The following SAMD12 variants were observed in gnomAD, a reference collection of about 807,000 sequenced individuals.
The protein encoded by SAMD12 is sterile alpha motif domain-containing protein 12.
A neutral mutation model predicts 15.0 loss-of-function variants in SAMD12; 9 were observed. The ratio of observed to expected loss-of-function variants is 0.60; its 90% confidence interval spans 0.36 to 1.05. The LOEUF (loss-of-function observed/expected upper bound fraction) is 1.05, where lower values mean the gene tolerates loss of function less well. Ranked by LOEUF, SAMD12 falls within the 50% of genes least tolerant of loss-of-function variation. The probability of loss-of-function intolerance (pLI) is 0.01; values close to 1 mark genes in which losing one functional copy is unlikely to be tolerated. For synonymous variants in SAMD12, 86 were observed against 90.1 expected (o/e 0.96, Z 0.25); for missense variants, 230 against 234.2 (o/e 0.98, Z 0.12).
rs114019502 is a variant in SAMD12, at chr8:118,225,558, A to T, written c.434-27826T>A. ...TAAGTACCTAACTGTTTGCAGGGGAATAGGGTTAATGGGCCAGAACCTTTC... is the reference window on the plus strand; with the variant it reads ...TAAGTACCTAACTGTTTGCAGGGGATTAGGGTTAATGGGCCAGAACCTTTC... On this transcript the variant is annotated intron_variant, in intron 4 of 4. Coordinates refer to the SAMD12 transcript ENST00000409003. 2.3e-3 allele frequency among the ~76,000 whole-genome samples: 343 copies of T among 152,236 alleles called. 1 individual carries two copies. Among genetic ancestry groups the T allele is most frequent in the Middle Eastern group, 0.01 (3 of 294 alleles).
At chr8:118,322,504 G>A (rs1816335763) in intron 4 of SAMD12, among the ~76,000 whole-genome samples, 1 of 152,242 alleles carries the variant, frequency 6.6e-6, no homozygotes, top group Admixed American at 6.5e-5. Context: ...ATGTTCTGGA[G>A]CTGGTGGAAA....
At chr8:118,608,700 C>T (rs112959328) in intron 1 of SAMD12, among the ~76,000 whole-genome samples, 8,401 of 152,068 alleles carry the variant, frequency 0.055, 457 homozygotes, top group African/African-American at 0.14. Context: ...GACAGGGTTT[C>T]GCTATGTTGG....
chr8:118,269,255 TGTGTG>T (rs1563723639), intron 4 of SAMD12, among the ~76,000 whole-genome samples: 18 of 141,848 alleles, frequency 1.3e-4, no homozygotes, highest in African/African-American at 4.5e-4. Context: ...TGTGTGTGTG[TGTGTG>T]TAAGCAGGAA....
rs917144237 is a variant in SAMD12, at chr8:118,434,971, C to T, written c.322+4861G>A. On this transcript the variant is annotated intron_variant, in intron 3 of 3. Transcript: ENST00000314727. ...ACAAAAAATTAGCCGGGCGTAGTGG[C>T]GGGCGCCTGTAGTCCCAGCTACTTG... is the stretch of plus-strand genomic sequence containing the variant. Among the ~76,000 whole-genome samples, 3 of 82,340 alleles carry T rather than the reference C, an allele frequency of 3.6e-5. 1 individual carries two copies. Among genetic ancestry groups the T allele is most frequent in the Non-Finnish European group, 5.8e-5 (2 of 34,342 alleles). The allele number at this position is 82,340 out of a possible 152,430, so 54.0% of individuals were successfully genotyped here. A position where few individuals can be genotyped will look rare whatever the true frequency, so the allele number is the denominator to read the frequency against.
At chr8:118,227,717 G>T (rs1812218853) in intron 4 of SAMD12, among the ~76,000 whole-genome samples, 2 of 152,142 alleles carry the variant, frequency 1.3e-5, no homozygotes, top group Admixed American at 1.3e-4. Context: ...GATTACCTGT[G>T]ATCCTATCTT....
chr8:118,288,144 A>G (rs1397659868), intron 4 of SAMD12: 1 of 152,210 alleles, frequency 6.6e-6, no homozygotes, highest in Non-Finnish European at 1.5e-5. Flanking sequence ...GCTATTAACT[A>G]TGATGATGGA....
chr8:118,580,868 C>A lies in SAMD12; in HGVS notation c.39G>T (p.Arg13=). 6.2e-7 allele frequency: 1 copy of A among 1,612,222 alleles called. No homozygotes were observed. Among genetic ancestry groups the A allele is most frequent in the Non-Finnish European group, 8.5e-7 (1 of 1,179,094 alleles). ...VEALHCGLNP[R]GIDHPAHAEG... ...CAGCATGGGCAGGGTGATCAATACC[C>A]CGTGGATTCAAACCACAGTGGAGAG... Residue 13 remains arginine, a synonymous_variant, in exon 2 of 4, where the codon CGG becomes CGT. Coordinates refer to ENST00000314727, the MANE Select transcript of SAMD12 (RefSeq NM_207506.3).
At chr8:118,174,399 C>T in the SAMD12 span, among the ~76,000 whole-genome samples, 2 of 152,142 alleles carry the variant, frequency 1.3e-5, no homozygotes, top group African/African-American at 2.4e-5. Context: ...GTGTTCAAGG[C>T]ACCTTTTTCT....
intron 2 of SAMD12, among the ~76,000 whole-genome samples, chr8:118,465,828 C>T (rs1193732281): frequency 2.6e-5 from 4 of 152,080 alleles, no homozygotes; most frequent in East Asian, 1.9e-4. Flanking sequence ...TCTAGGACTT[C>T]GAGTTTTAAA....
intron 4 of SAMD12, among the ~76,000 whole-genome samples, chr8:118,235,587 T>C (rs9643121): frequency 0.053 from 7,955 of 150,932 alleles, 481 homozygotes; most frequent in East Asian, 0.16. Context: ...CAAATGTCAA[T>C]CTTACTACAA....
intron 4 of SAMD12, among the ~76,000 whole-genome samples, chr8:118,261,748 C>T (rs11562787): frequency 2.6e-5 from 4 of 151,800 alleles, no homozygotes; most frequent in African/African-American, 9.7e-5. Flanking sequence ...TATACTGGAA[C>T]CTTTTCAAAG....
chr8:118,571,683 A>T (rs1371244151), intron 2 of SAMD12, among the ~76,000 whole-genome samples: 1 of 152,254 alleles, frequency 6.6e-6, no homozygotes, highest in Non-Finnish European at 1.5e-5. Context: ...GCCTCAAGCC[A>T]TGGCAGCTTC....
At chr8:118,165,083 G>A in the SAMD12 span, among the ~76,000 whole-genome samples, 1 of 151,506 alleles carries the variant, frequency 6.6e-6, no homozygotes, top group African/African-American at 2.4e-5. Context: ...TATCTGTCTG[G>A]AGATAGCATT....
the SAMD12 span, among the ~76,000 whole-genome samples, chr8:118,147,646 C>T: frequency 6.6e-6 from 1 of 152,150 alleles, no homozygotes; most frequent in African/African-American, 2.4e-5. Flanking sequence ...AGGCATGAGC[C>T]ACCGTGCCCG....
intron 2 of SAMD12, among the ~76,000 whole-genome samples, chr8:118,524,735 A>G (rs1273580163): frequency 6.6e-6 from 1 of 152,158 alleles, no homozygotes; most frequent in Non-Finnish European, 1.5e-5. Context: ...CCGACCTTCC[A>G]ATTGCTCAGG....
chr8:118,306,892 C>T (rs1563750569), intron 4 of SAMD12, among the ~76,000 whole-genome samples: 2 of 152,076 alleles, frequency 1.3e-5, no homozygotes, highest in Non-Finnish European at 2.9e-5. Context: ...TTGACGTATC[C>T]TCATCTGTGA....
At chr8:118,417,341 C>T (rs975996264) in intron 3 of SAMD12, among the ~76,000 whole-genome samples, 1 of 152,102 alleles carries the variant, frequency 6.6e-6, no homozygotes, top group Non-Finnish European at 1.5e-5. Context: ...ACCTTGGCCT[C>T]CCAAAGTGCT....
At chr8:118,325,242 A>C (rs1816511630) in intron 4 of SAMD12, among the ~76,000 whole-genome samples, 1 of 152,152 alleles carries the variant, frequency 6.6e-6, no homozygotes, top group Non-Finnish European at 1.5e-5. Context: ...TTCATTTTTT[A>C]AATAGGAGCA....
At chr8:118,268,902 A>C (rs944904878) in intron 4 of SAMD12, among the ~76,000 whole-genome samples, 1 of 152,140 alleles carries the variant, frequency 6.6e-6, no homozygotes, top group Non-Finnish European at 1.5e-5. Context: ...CTCAGATATG[A>C]CTGGTGAATT....
Sources: gnomAD v4.1 joint callset for allele counts (sites outside exome capture counted in the v4.1 genomes callset) on GRCh38, gnomAD v4.1.1 for gene constraint, MANE v1.5 for transcripts, NCBI Gene and HGNC (gene_info 2026-07-23, HGNC 2026-07-21) for gene names.